The following SYNDIG1L variants were observed in gnomAD, a reference collection of about 807,000 sequenced individuals.
SYNDIG1L encodes synapse differentiation inducing 1 like, also known as synapse differentiation-inducing gene protein 1-like.
Under a neutral mutation model 20.1 loss-of-function variants are expected in SYNDIG1L, and 13 were observed. The ratio of observed to expected loss-of-function variants is 0.65; its 90% confidence interval spans 0.42 to 1.03. The LOEUF (loss-of-function observed/expected upper bound fraction) is 1.03, where lower values mean the gene tolerates loss of function less well. Among genes scored for constraint, SYNDIG1L ranks in the 50% least tolerant of loss-of-function variants. SYNDIG1L has a pLI of 0.00. For missense variants in SYNDIG1L, 294 were observed against 305.1 expected (o/e 0.96, Z 0.27); for synonymous variants, 128 against 129.3 (o/e 0.99, Z 0.07).
At chr14:74,476,400 G>T in the SYNDIG1L span, 1 of 825,978 alleles carries the variant, frequency 1.2e-6, no homozygotes, top group Non-Finnish European at 2.0e-6. Flanking sequence ...TGCTTATCTG[G>T]GACATATGAT....
Position 74,409,555 on chromosome 14 carries a change from C to A in SYNDIG1L, c.190G>T (p.Val64Leu). Residue 64 changes from valine (V) to leucine (L), a missense_variant, in exon 2 of 4, where the codon GTG becomes TTG. Physicochemically the swap from Val to Leu is conservative, Grantham distance 32. Transcript: ENST00000331628. ...CAGCTGGGCCGGTACCAGGCCTCCA[C>A]GGCCAGCTGCAGGGACCCTGGGTCC... The part of the protein sequence containing the change: ...LLDPGSLQLA[V>L]EAWYRPSCLL... The A allele has an allele frequency of 1.9e-6, 3 of 1,540,280 alleles. No individual in the cohort carries two copies. The highest frequency in any genetic ancestry group is 2.3e-5 in the East Asian group (1 of 43,012).
chr14:74,439,709 G>A, the SYNDIG1L span, among the ~76,000 whole-genome samples: 1 of 151,682 alleles, frequency 6.6e-6, no homozygotes, highest in Non-Finnish European at 1.5e-5. Context: ...GAGAAACCCC[G>A]TCTCTACTAA....
At chr14:74,421,735 A>G (rs2086223123) in intron 1 of SYNDIG1L, among the ~76,000 whole-genome samples, 2 of 152,144 alleles carry the variant, frequency 1.3e-5, no homozygotes, top group South Asian at 4.1e-4. Context: ...TCGTCGAAGG[A>G]CCTTTGGAGA....
chr14:74,410,434 G>A (rs2092420824), intron 1 of SYNDIG1L, among the ~76,000 whole-genome samples: 1 of 152,198 alleles, frequency 6.6e-6, no homozygotes, highest in African/African-American at 2.4e-5. Context: ...TGGGGTGTGG[G>A]GGCCAGACCG....
chr14:74,471,468 C>T, the SYNDIG1L span, among the ~76,000 whole-genome samples: 1 of 152,064 alleles, frequency 6.6e-6, no homozygotes, highest in South Asian at 2.1e-4. Context: ...TGTGGTGGCA[C>T]ACACCTGAAA....
the SYNDIG1L span, among the ~76,000 whole-genome samples, chr14:74,448,029 A>G: frequency 6.6e-6 from 1 of 152,154 alleles, no homozygotes; most frequent in African/African-American, 2.4e-5. Context: ...ATAAGCCAAC[A>G]AGGAGATAAA....
chr14:74,457,023 A>G, the SYNDIG1L span, among the ~76,000 whole-genome samples: 21 of 152,180 alleles, frequency 1.4e-4, no homozygotes, highest in African/African-American at 5.1e-4. Flanking sequence ...TAATTTTGCC[A>G]CAACGGTCTG....
chr14:74,455,392 A>G, the SYNDIG1L span, among the ~76,000 whole-genome samples: 179 of 113,254 alleles, frequency 1.6e-3, no homozygotes, highest in South Asian at 2.9e-3. Flanking sequence ...TTCTTCCCCA[A>G]TCTTTTTTTT....
At chr14:74,469,085 G>A in the SYNDIG1L span, among the ~76,000 whole-genome samples, 4 of 152,244 alleles carry the variant, frequency 2.6e-5, no homozygotes, top group Non-Finnish European at 5.9e-5. Context: ...ATGGGCTGCA[G>A]ACCGACTGCA....
the SYNDIG1L span, among the ~76,000 whole-genome samples, chr14:74,466,274 A>G: frequency 2.0e-5 from 3 of 152,162 alleles, no homozygotes; most frequent in East Asian, 5.8e-4. Flanking sequence ...GGCCCATGTC[A>G]TAATCACAGA....
chr14:74,463,702 A>AGG, the SYNDIG1L span, among the ~76,000 whole-genome samples: 1 of 152,186 alleles, frequency 6.6e-6, no homozygotes, highest in Non-Finnish European at 1.5e-5. Flanking sequence ...TTCAAGCCTA[A>AGG]GGGGGCCCTT....
At chr14:74,453,915 G>A in the SYNDIG1L span, among the ~76,000 whole-genome samples, 4 of 152,146 alleles carry the variant, frequency 2.6e-5, no homozygotes, top group African/African-American at 9.7e-5. Flanking sequence ...GCAGTGAGCT[G>A]AGATTGTGCT....
At chr14:74,442,053 C>T in the SYNDIG1L span, among the ~76,000 whole-genome samples, 5 of 152,218 alleles carry the variant, frequency 3.3e-5, no homozygotes, top group East Asian at 3.9e-4. Flanking sequence ...TTAACCTCTC[C>T]GAACCTTAAT....
chr14:74,479,159 C>T, the SYNDIG1L span: 3 of 152,226 alleles, frequency 2.0e-5, no homozygotes, highest in Non-Finnish European at 4.4e-5. Context: ...GGTTGACTGG[C>T]TCCTAGCATT....
chr14:74,444,894 T>C, the SYNDIG1L span, among the ~76,000 whole-genome samples: 2 of 152,224 alleles, frequency 1.3e-5, no homozygotes, highest in Admixed American at 1.3e-4. Context: ...TTACAAATAG[T>C]AACAGTTTTT....
chr14:74,470,345 A>C, the SYNDIG1L span, among the ~76,000 whole-genome samples: 1 of 151,998 alleles, frequency 6.6e-6, no homozygotes, highest in Non-Finnish European at 1.5e-5. Context: ...GGCTTGCTAC[A>C]TTTTGCCTGT....
chr14:74,411,272 G>T (rs76161177), intron 1 of SYNDIG1L, among the ~76,000 whole-genome samples: 2,740 of 152,324 alleles, frequency 0.018, 78 homozygotes, highest in African/African-American at 0.061. Flanking sequence ...TCCCCATAAA[G>T]TTGTTTTGTG....
Position 74,407,936 on chromosome 14 carries a change from A to G in SYNDIG1L, c.471T>C (p.Pro157=), listed in dbSNP as rs555625424. Residue 157 remains proline, a synonymous_variant, in exon 3 of 4, where the codon CCT becomes CCC. Transcript: ENST00000331628. ...GAGTAAGTCCCAGGTGGTCCCTGGG[A>G]GGCAGCGTGAGGAAGTTGTCTTCAC... is the stretch of plus-strand genomic sequence containing the variant. The part of the protein sequence containing the change: ...SESEDNFLTL[P]PRDHLGLTLF... 2.5e-6 allele frequency: 4 copies of G among 1,613,802 alleles called. No individual in the cohort carries two copies. The South Asian group carries it at 3.3e-5, about 13-fold the overall frequency.
intron 1 of SYNDIG1L, among the ~76,000 whole-genome samples, chr14:74,413,802 A>ACACT (rs1217283168): frequency 6.6e-6 from 1 of 151,882 alleles, no homozygotes; most frequent in Non-Finnish European, 1.5e-5. Flanking sequence ...ACACAGACAC[A>ACACT]CACTCACACC....
Sources: allele counts gnomAD v4.1 joint callset (sites outside exome capture counted in the v4.1 genomes callset), GRCh38; gene constraint gnomAD v4.1.1; transcripts MANE v1.5; gene names NCBI Gene and HGNC (gene_info 2026-07-23, HGNC 2026-07-21).